Variants in LINGO2 observed in about 807,000 individuals in gnomAD.
LINGO2 encodes leucine rich repeat and Ig domain containing 2.
In LINGO2, 14 loss-of-function variants were observed where a neutral mutation model predicts 30.6. That is an observed-to-expected ratio of 0.46 (90% confidence interval 0.30 to 0.72). LINGO2 has a LOEUF of 0.72. LINGO2 is among the 30% of genes least tolerant of loss of function. The pLI, the probability that LINGO2 is intolerant of heterozygous loss-of-function variation, is 0.07. For synonymous variants in LINGO2, 317 were observed against 288.5 expected, an observed-to-expected ratio of 1.10 and a Z score of -1.00; for missense variants, 729 against 751.7, an observed-to-expected ratio of 0.97 and a Z score of 0.35.
chr9:28,810,504 A>G, the LINGO2 span, among the ~76,000 whole-genome samples: 2 of 152,252 alleles, frequency 1.3e-5, no homozygotes, highest in South Asian at 2.1e-4. Flanking sequence ...TGGTTATGAG[A>G]ATTGTGTTGA....
At chr9:29,111,131 T>C in the LINGO2 span, among the ~76,000 whole-genome samples, 1 of 152,218 alleles carries the variant, frequency 6.6e-6, no homozygotes, top group Non-Finnish European at 1.5e-5. Flanking sequence ...AATGATCCTT[T>C]TTTAAAAAAT....
chr9:28,327,979 T>C (rs1825289992), intron 3 of LINGO2, among the ~76,000 whole-genome samples: 1 of 152,188 alleles, frequency 6.6e-6, no homozygotes, highest in African/African-American at 2.4e-5. Flanking sequence ...ACATACACTC[T>C]CAGCAGCCAG....
At chr9:29,063,604 T>C in the LINGO2 span, among the ~76,000 whole-genome samples, 2 of 151,944 alleles carry the variant, frequency 1.3e-5, no homozygotes, top group Admixed American at 1.3e-4. Flanking sequence ...TTCACCATAT[T>C]GGCCAGGCTG....
At chr9:29,055,707 T>A in the LINGO2 span, among the ~76,000 whole-genome samples, 1 of 152,062 alleles carries the variant, frequency 6.6e-6, no homozygotes, top group Non-Finnish European at 1.5e-5. Context: ...CCTTTATCCA[T>A]CACCTCCCTC....
intron 1 of LINGO2, among the ~76,000 whole-genome samples, chr9:28,583,568 A>G (rs1418364103): frequency 2.6e-5 from 4 of 152,048 alleles, no homozygotes; most frequent in Non-Finnish European, 4.4e-5. Context: ...TTTTTTCAGA[A>G]ATGCTCTTAT....
intron 2 of LINGO2, among the ~76,000 whole-genome samples, chr9:28,389,403 C>A (rs1821734675): frequency 6.6e-6 from 1 of 152,284 alleles, no homozygotes; most frequent in East Asian, 1.9e-4. Context: ...AGCTACATAT[C>A]AGAGTTTTAA....
the LINGO2 span, among the ~76,000 whole-genome samples, chr9:29,199,641 T>C: frequency 6.6e-6 from 1 of 152,112 alleles, no homozygotes; most frequent in Non-Finnish European, 1.5e-5. Flanking sequence ...GGGAAAACTT[T>C]CATATTAAAT....
At chr9:28,779,726 C>A in the LINGO2 span, among the ~76,000 whole-genome samples, 1 of 152,022 alleles carries the variant, frequency 6.6e-6, no homozygotes, top group East Asian at 1.9e-4. Context: ...TCTTAAATTG[C>A]ACAGGAAAAT....
intron 2 of LINGO2, among the ~76,000 whole-genome samples, chr9:28,432,592 A>G (rs1823722606): frequency 6.6e-6 from 1 of 152,048 alleles, no homozygotes; most frequent in Admixed American, 6.6e-5. Flanking sequence ...AAATAAATCT[A>G]TTCACATGGG....
intron 4 of LINGO2, among the ~76,000 whole-genome samples, chr9:28,270,068 C>T (rs1259786152): frequency 6.6e-6 from 1 of 152,140 alleles, no homozygotes. Context: ...CTTCAAATGC[C>T]ATACCTTTAA....
At chr9:27,986,720 T>C (rs1265114015) in intron 5 of LINGO2, among the ~76,000 whole-genome samples, 2 of 151,844 alleles carry the variant, frequency 1.3e-5, no homozygotes, top group African/African-American at 2.4e-5. Context: ...CCTTAAAGGC[T>C]GTAAAACTAG....
At chr9:27,973,121 T>A (rs1486769046) in intron 5 of LINGO2, among the ~76,000 whole-genome samples, 1 of 152,172 alleles carries the variant, frequency 6.6e-6, no homozygotes, top group East Asian at 1.9e-4. Flanking sequence ...TGGTAGGACT[T>A]CTTGGCCTTC....
chr9:27,951,684 T>G (rs962630289), intron 5 of LINGO2, among the ~76,000 whole-genome samples: 1 of 152,118 alleles, frequency 6.6e-6, no homozygotes, highest in African/African-American at 2.4e-5. Flanking sequence ...AGCTCTGCTT[T>G]TCAACTTGGG....
the LINGO2 span, among the ~76,000 whole-genome samples, chr9:29,144,923 T>C: frequency 1.3e-5 from 2 of 152,214 alleles, no homozygotes; most frequent in Non-Finnish European, 2.9e-5. Context: ...CAGTTTTTAT[T>C]GCTTTTTTTC....
intron 1 of LINGO2, among the ~76,000 whole-genome samples, chr9:28,528,473 C>T (rs1201068445): frequency 6.6e-6 from 1 of 152,126 alleles, no homozygotes; most frequent in African/African-American, 2.4e-5. Context: ...ATTTATAATT[C>T]TTTCTCAGCT....
intron 2 of LINGO2, among the ~76,000 whole-genome samples, chr9:28,465,246 C>T (rs928225746): frequency 6.6e-6 from 1 of 152,110 alleles, no homozygotes; most frequent in African/African-American, 2.4e-5. Context: ...GGATGGTGAA[C>T]ATAGAAATTT....
intron 1 of LINGO2, among the ~76,000 whole-genome samples, chr9:28,544,519 C>A (rs933935568): frequency 6.6e-6 from 1 of 152,014 alleles, no homozygotes; most frequent in African/African-American, 2.4e-5. Flanking sequence ...ATCAATGAGG[C>A]CTTCAATCAA....
the LINGO2 span, among the ~76,000 whole-genome samples, chr9:28,702,765 A>G: frequency 2.0e-5 from 3 of 151,806 alleles, no homozygotes; most frequent in Non-Finnish European, 4.4e-5. Context: ...TGCCTTGCCT[A>G]TTGCTTTCCG....
At chr9:28,055,938 C>CT (rs1218212835) in intron 4 of LINGO2, among the ~76,000 whole-genome samples, 8 of 152,174 alleles carry the variant, frequency 5.3e-5, no homozygotes, top group African/African-American at 1.7e-4. Flanking sequence ...AAGACAGTTA[C>CT]TACTTGAATC....
Sources: gnomAD v4.1 joint callset for allele counts (sites outside exome capture counted in the v4.1 genomes callset) on GRCh38, gnomAD v4.1.1 for gene constraint, MANE v1.5 for transcripts, NCBI Gene and HGNC (gene_info 2026-07-23, HGNC 2026-07-21) for gene names.